The following RGS12 variants were observed in gnomAD, a reference collection of about 807,000 sequenced individuals.
RGS12 encodes regulator of G-protein signaling 12.
RGS12 carries 66 observed loss-of-function variants against 120.1 expected under a neutral mutation model. The observed-to-expected ratio is 0.55, with a 90% confidence interval of 0.45 to 0.67. The LOEUF (loss-of-function observed/expected upper bound fraction) is 0.67. Among genes scored for constraint, RGS12 ranks in the 30% least tolerant of loss-of-function variants. The pLI is 0.00. For synonymous variants in RGS12, 827 were observed against 804.7 expected (o/e 1.03, Z -0.47); for missense variants, 1,859 against 1,957.7 (o/e 0.95, Z 0.95).
chr4:3,439,465 C>T lies in RGS12; in HGVS notation c.4125C>T (p.Thr1375=), dbSNP rs1342065066. ...VPGPSRPGSG[T]HGSRDLPVNR... is the part of the protein sequence containing the mutation. ...TTCTCCTTGTGACAGGAAGTGGGAC[C>T]CATGGCAGCCGAGACCTCCCAGTCA... The change falls in exon 18 of 18, where the codon ACC becomes ACT. Residue 1375 remains threonine, a synonymous_variant. Coordinates refer to ENST00000336727, the MANE Select transcript of RGS12 (RefSeq NM_001394154.1). 1 of 1,612,774 alleles carries T rather than the reference C, an allele frequency of 6.2e-7. No individual in the cohort carries two copies. The highest frequency in any genetic ancestry group is 2.2e-5 in the East Asian group (1 of 44,870).
At chr4:3,376,160 G>A (rs1328900514) in intron 3 of RGS12, among the ~76,000 whole-genome samples, 1 of 152,084 alleles carries the variant, frequency 6.6e-6, no homozygotes, top group East Asian at 1.9e-4. Flanking sequence ...ATGAATATTA[G>A]CTGCTGCTGC....
chr4:3,434,977 G>A (rs1724667789), intron 17 of RGS12, among the ~76,000 whole-genome samples: 1 of 152,110 alleles, frequency 6.6e-6, no homozygotes, highest in African/African-American at 2.4e-5. Context: ...CCAAGAGGAT[G>A]GACTCCACCT....
intron 4 of RGS12, among the ~76,000 whole-genome samples, chr4:3,393,131 A>G (rs749573109): frequency 2.0e-5 from 3 of 152,044 alleles, no homozygotes; most frequent in Non-Finnish European, 4.4e-5. Flanking sequence ...CTGAGTATTC[A>G]TTTGTCTGGC....
In RGS12 at chr4:3,421,685, C is replaced by T. The variant is rs139776926; in HGVS notation, c.2839-691C>T. 2.3e-3 allele frequency among the ~76,000 whole-genome samples: 343 copies of T among 152,344 alleles called. 3 individuals carry two copies. Among genetic ancestry groups the T allele is most frequent in the African/African-American group, 7.9e-3 (330 of 41,576 alleles). ...AGTTCACCCCGTCCCACAGCCGGCT[C>T]AGGGACCCTGACAGTGAGCAGAGTA... On this transcript the variant is annotated intron_variant, in intron 10 of 17. Coordinates refer to ENST00000336727, the MANE Select transcript of RGS12 (RefSeq NM_001394154.1).
Position 3,368,955 on chromosome 4 carries a change from C to T in RGS12, c.1999-17461C>T, listed in dbSNP as rs1004142795. Among the ~76,000 whole-genome samples the T allele has an allele frequency of 2.6e-5, 4 of 152,116 alleles. No individual in the cohort carries two copies. In the South Asian group the frequency reaches 8.3e-4, roughly 31 times the overall value. ...AGAGCCCAGGGGAAGTGGGTGGGGCCATGGTAGGTAGAGGCGGGGCCCTGT... is the reference window on the plus strand; with the variant it reads ...AGAGCCCAGGGGAAGTGGGTGGGGCTATGGTAGGTAGAGGCGGGGCCCTGT... On this transcript the variant is annotated intron_variant, in intron 3 of 17. Transcript: ENST00000336727.
chr4:3,366,424 A>C lies in RGS12; in HGVS notation c.1999-19992A>C, dbSNP rs775088065. Among the ~76,000 whole-genome samples, 1 of 152,066 alleles carries C rather than the reference A, an allele frequency of 6.6e-6. No homozygotes were observed. Among genetic ancestry groups the C allele is most frequent in the African/African-American group, 2.4e-5 (1 of 41,408 alleles). On this transcript the variant is annotated intron_variant, in intron 3 of 17. Transcript: ENST00000336727. This position sits in a 1 kb window ranked among gnomAD's most constrained non-coding sequence, Gnocchi z 4.0. ...AGGGAGAGAATCAGGGCCTGTGCTC[A>C]TATCTGTGAGCTCTGCAGATGTCTC... is the stretch of plus-strand genomic sequence containing the variant.
At chr4:3,384,208 G>A (rs1309558538) in intron 3 of RGS12, among the ~76,000 whole-genome samples, 1 of 152,194 alleles carries the variant, frequency 6.6e-6, no homozygotes, top group Admixed American at 6.5e-5. Flanking sequence ...AGGCTGGAGT[G>A]TAGTGGCACG....
At chr4:3,306,700 G>A (rs1039017608) in intron 1 of RGS12, among the ~76,000 whole-genome samples, 1 of 152,188 alleles carries the variant, frequency 6.6e-6, no homozygotes, top group Non-Finnish European at 1.5e-5. Context: ...GACCGAGCAG[G>A]GAGCAGAGAG....
intron 4 of RGS12, among the ~76,000 whole-genome samples, chr4:3,405,486 T>C (rs948165434): frequency 1.3e-5 from 2 of 152,234 alleles, no homozygotes; most frequent in Admixed American, 6.5e-5. Context: ...CTGGGGAACA[T>C]TCCAGATGGA....
Position 3,423,570 on chromosome 4 carries a change from C to A in RGS12, c.3163C>A (p.Pro1055Thr). The change falls in exon 13 of 18, where the codon CCC (proline) becomes ACC (threonine). Residue 1055 changes from proline to threonine, a missense_variant. Transcript: ENST00000336727. Reference protein sequence around the residue: ...SVGLKAKPTKPVTEVLRPVVA... With the variant: ...SVGLKAKPTKTVTEVLRPVVA... ...GGGACTCAAGGCCAAGCCCACCAAG[C>A]CCGTCACGGAGGTGCTGCGGCCCGT... is the stretch of plus-strand genomic sequence containing the variant. The A allele has an allele frequency of 6.2e-7, 1 of 1,612,908 alleles. No homozygotes were observed. Among genetic ancestry groups the A allele is most frequent in the South Asian group, 1.1e-5 (1 of 91,090 alleles).
chr4:3,412,407 C>T (rs114227456), intron 4 of RGS12, among the ~76,000 whole-genome samples: 103 of 152,364 alleles, frequency 6.8e-4, no homozygotes, highest in African/African-American at 2.3e-3. Flanking sequence ...GCTTCTGCCC[C>T]TGAGAGGAGT....
chr4:3,391,889 C>T (rs1473385292), intron 4 of RGS12, among the ~76,000 whole-genome samples: 2 of 152,148 alleles, frequency 1.3e-5, no homozygotes, highest in Non-Finnish European at 1.5e-5. Context: ...CAAAACTCCA[C>T]CAAGCCATAT....
intron 17 of RGS12, among the ~76,000 whole-genome samples, chr4:3,432,649 T>C (rs1724429005): frequency 6.6e-6 from 1 of 152,222 alleles, no homozygotes; most frequent in Non-Finnish European, 1.5e-5. Context: ...CCCTGACTTG[T>C]TTGTGGCAGG....
Position 3,439,571 on chromosome 4 carries a change from G to A in RGS12, c.4231G>A (p.Gly1411Arg), listed in dbSNP as rs145652215. ...CATAGCGGGGGCACAGGCTGGCCCT[G>A]GGAGGTCGCAGGCCAGTGGTGGGCC... is the stretch of plus-strand genomic sequence containing the variant. ...GGIAGAQAGP[G>R]RSQASGGPPT... Residue 1411 changes from glycine (G) to arginine (R), a missense_variant, in exon 18 of 18, where the codon GGG becomes AGG. Gly to Arg is a moderately radical substitution (Grantham distance 125). Coordinates refer to ENST00000336727, the MANE Select transcript of RGS12 (RefSeq NM_001394154.1). 518 of 1,611,752 alleles carry A rather than the reference G, an allele frequency of 3.2e-4. 3 individuals are homozygous for A. The African/African-American group carries it at 6.1e-3, about 19-fold the overall frequency.
chr4:3,328,613 C>A (rs960360650), intron 2 of RGS12, among the ~76,000 whole-genome samples: 13 of 152,118 alleles, frequency 8.5e-5, no homozygotes, highest in African/African-American at 3.1e-4. Context: ...TCAGTTATAG[C>A]AACAGGAAAT....
intron 9 of RGS12, 165 bp from the exon 10 acceptor site, chr4:3,420,477 G>A: frequency 1.4e-6 from 1 of 694,352 alleles, no homozygotes; most frequent in South Asian, 1.5e-5. Flanking sequence ...GAAGACACAT[G>A]TGACTCGTCT....
rs1578669686 is a variant in RGS12, at chr4:3,298,847, T to C, written c.-102+5748T>C. On this transcript the variant is annotated intron_variant, in intron 1 of 17. Coordinates refer to ENST00000336727, the MANE Select transcript of RGS12 (RefSeq NM_001394154.1). ...TTCACTTATTTTTTATGGTTGCCAT[T>C]TCTCTGCTCTGTCATTTGTTTATTG... Among the ~76,000 whole-genome samples, 7 of 152,376 alleles carry C rather than the reference T, an allele frequency of 4.6e-5. No homozygotes were observed. In the South Asian group the frequency reaches 1.4e-3, roughly 32 times the overall value.
At chr4:3,367,874 C>T (rs1174605773) in intron 3 of RGS12, among the ~76,000 whole-genome samples, 1 of 152,232 alleles carries the variant, frequency 6.6e-6, no homozygotes, top group Non-Finnish European at 1.5e-5. Flanking sequence ...AGTGACCGGA[C>T]AGCAACAGGC....
chr4:3,387,764 C>G (rs1182637890), intron 4 of RGS12, among the ~76,000 whole-genome samples: 3 of 152,292 alleles, frequency 2.0e-5, no homozygotes, highest in Non-Finnish European at 2.9e-5. Flanking sequence ...GCCGTGTTCT[C>G]ACTTCTCCTT....
Sources: gnomAD v4.1 joint callset for allele counts (sites outside exome capture counted in the v4.1 genomes callset) on GRCh38, gnomAD v4.1.1 for gene constraint, Gnocchi (gnomAD v3.1) non-coding constraint, MANE v1.5 for transcripts, NCBI Gene and HGNC (gene_info 2026-07-23, HGNC 2026-07-21) for gene names.